CECR2: variants seen among roughly 807,000 people sequenced by gnomAD.
The protein encoded by CECR2 is chromatin remodeling regulator CECR2.
A neutral mutation model predicts 154.5 loss-of-function variants in CECR2; 30 were observed. The observed-to-expected ratio is 0.19, with a 90% CI of 0.15 to 0.26. CECR2 has a LOEUF of 0.26. Ranked by LOEUF, CECR2 falls within the 10% of genes least tolerant of loss-of-function variation. The pLI, the probability that CECR2 is intolerant of heterozygous loss-of-function variation, is 1.00. For synonymous variants in CECR2, 725 were observed against 683.7 expected, an observed-to-expected ratio of 1.06 and a Z score of -0.94; for missense variants, 1,743 against 1,829.3, an observed-to-expected ratio of 0.95 and a Z score of 0.86.
intron 13 of CECR2, among the ~76,000 whole-genome samples, chr22:17,540,140 A>G (rs897736308): frequency 2.0e-5 from 3 of 152,052 alleles, no homozygotes; most frequent in Admixed American, 6.6e-5. Context: ...GCCTGGTTTG[A>G]CTTAATAGTC....
rs1237747274 is a variant in CECR2, at chr22:17,377,214, A to G, written c.126+7305A>G. ...AATTACGTACCAAGTGAAAACTGCAAATCCATACTTGGTGTGTTTGCAAAT... is the reference window on the plus strand; with the variant it reads ...AATTACGTACCAAGTGAAAACTGCAGATCCATACTTGGTGTGTTTGCAAAT... On this transcript the variant is annotated intron_variant, in intron 1 of 18. Transcript: ENST00000262608. Among the ~76,000 whole-genome samples the G allele has an allele frequency of 2.6e-5, 4 of 152,212 alleles. No individual in the cohort carries two copies. The East Asian group carries it at 5.8e-4, about 22-fold the overall frequency.
chr22:17,477,503 T>C (rs1217883461), intron 1 of CECR2, 85 bp from the exon 2 acceptor site: 1 of 898,398 alleles, frequency 1.1e-6, no homozygotes, highest in African/African-American at 1.6e-5. Flanking sequence ...ATTCAGTTCT[T>C]GGGGCTTGTG....
chr22:17,512,055 GAGAA>G (rs985755332), intron 8 of CECR2, among the ~76,000 whole-genome samples, 159 bp downstream of exon 8: 1 of 152,134 alleles, frequency 6.6e-6, no homozygotes, highest in African/African-American at 2.4e-5. Flanking sequence ...TTTCTAGAAA[GAGAA>G]AGAATTAGAA....
chr22:17,530,402 G>C (rs550336949), intron 9 of CECR2, among the ~76,000 whole-genome samples: 1 of 151,872 alleles, frequency 6.6e-6, no homozygotes, highest in East Asian at 1.9e-4. Flanking sequence ...GGCCAGGCGC[G>C]GTGGCTCACG....
intron 1 of CECR2, among the ~76,000 whole-genome samples, chr22:17,361,127 C>A (rs567209874): frequency 2.0e-5 from 3 of 152,298 alleles, no homozygotes; most frequent in South Asian, 2.1e-4. Flanking sequence ...TGTGCCCCTG[C>A]TCTCCAGCCT....
intron 2 of CECR2, among the ~76,000 whole-genome samples, chr22:17,488,765 G>A (rs2055470746): frequency 6.6e-6 from 1 of 152,150 alleles, no homozygotes; most frequent in South Asian, 2.1e-4. Context: ...AAGCTGCTGT[G>A]AACATTTGCA....
At chr22:17,551,992 C>T (rs1668108893) in intron 17 of CECR2, 39 bp from the exon 18 acceptor site, 6 of 1,586,132 alleles carry the variant, frequency 3.8e-6, no homozygotes, top group Admixed American at 3.3e-5. Flanking sequence ...GTTAACACGT[C>T]TTCATTAATT....
intron 1 of CECR2, among the ~76,000 whole-genome samples, chr22:17,433,252 A>G (rs997708239): frequency 1.3e-5 from 2 of 152,200 alleles, no homozygotes; most frequent in African/African-American, 4.8e-5. Context: ...TGTCTCAATA[A>G]TAGTGTGTAG....
chr22:17,385,641 A>G (rs1308039900), intron 1 of CECR2, among the ~76,000 whole-genome samples: 1 of 152,230 alleles, frequency 6.6e-6, no homozygotes, highest in Non-Finnish European at 1.5e-5. Context: ...AAATGTTTGA[A>G]ATATTGTGAG....
chr22:17,488,729 C>CT (rs1170041217), intron 2 of CECR2, among the ~76,000 whole-genome samples: 1 of 152,152 alleles, frequency 6.6e-6, no homozygotes, highest in Non-Finnish European at 1.5e-5. Context: ...ACTTAGGTTG[C>CT]TTCCAGTTGG....
At chr22:17,462,132 C>T (rs1396223852) in intron 1 of CECR2, among the ~76,000 whole-genome samples, 6 of 151,676 alleles carry the variant, frequency 4.0e-5, no homozygotes, top group Admixed American at 1.3e-4. Context: ...TGACCGGGCG[C>T]GGTGGCTCAC....
At chr22:17,460,719 C>T (rs2146730116) in intron 1 of CECR2, among the ~76,000 whole-genome samples, 1 of 152,294 alleles carries the variant, frequency 6.6e-6, no homozygotes. Context: ...CCCCGGTATC[C>T]TTATGTCCCA....
upstream of CECR2, among the ~76,000 whole-genome samples, chr22:17,365,084 C>A (rs1407263042): frequency 6.6e-6 from 1 of 151,854 alleles, no homozygotes; most frequent in Non-Finnish European, 1.5e-5. Context: ...ACTAGCCAGG[C>A]GTGGTGGTGC....
chr22:17,468,319 G>C (rs938942402), intron 1 of CECR2, among the ~76,000 whole-genome samples: 1 of 152,170 alleles, frequency 6.6e-6, no homozygotes, highest in African/African-American at 2.4e-5. Flanking sequence ...TGTGTAATCT[G>C]TGTCTTGCTC....
intron 3 of CECR2, among the ~76,000 whole-genome samples, chr22:17,498,943 T>G (rs760779745): frequency 2.4e-4 from 36 of 152,192 alleles, no homozygotes; most frequent in Admixed American, 1.3e-3. Context: ...GTGTTTCTTA[T>G]GCTGATTGAA....
rs1569142080 is a variant in CECR2, at chr22:17,525,285, C to CAAAAAAAAAAAAAAAAAA, written c.1108+1014_1108+1015insAAAAAAAAAAAAAAAAAA. Among the ~76,000 whole-genome samples the CAAAAAAAAAAAAAAAAAA allele has an allele frequency of 4.6e-4, 15 of 32,324 alleles. 3 individuals are homozygous for CAAAAAAAAAAAAAAAAAA. Among genetic ancestry groups the CAAAAAAAAAAAAAAAAAA allele is most frequent in the African/African-American group, 8.5e-4 (7 of 8,190 alleles). 21.2% of individuals were successfully genotyped at this position (32,324 alleles called of 152,430 possible). On this transcript the variant is annotated intron_variant, in intron 9 of 18. Transcript: ENST00000262608. Reference sequence around the variant, plus strand: ...GGGCAACAAGAGTGAAACTCCATCTCCAAAAAAAAAAAAAAAAAAAAAAAA... The same window carrying CAAAAAAAAAAAAAAAAAA: ...GGGCAACAAGAGTGAAACTCCATCTCAAAAAAAAAAAAAAAAAACAAAAAAAAAAAAAAAAAAAAAAAA...
intron 1 of CECR2, among the ~76,000 whole-genome samples, chr22:17,427,175 G>A (rs1019646943): frequency 1.3e-5 from 2 of 152,014 alleles, no homozygotes; most frequent in Non-Finnish European, 2.9e-5. Flanking sequence ...CCATGTCCCT[G>A]CAAAGGACAT....
chr22:17,361,726 G>C (rs1330907499), intron 1 of CECR2, among the ~76,000 whole-genome samples: 1 of 149,494 alleles, frequency 6.7e-6, no homozygotes, highest in Non-Finnish European at 1.5e-5. Flanking sequence ...CTGGGCAAAA[G>C]AGCAAGACTC....
intron 1 of CECR2, among the ~76,000 whole-genome samples, chr22:17,456,690 G>A (rs1489051595): frequency 6.6e-6 from 1 of 152,110 alleles, no homozygotes; most frequent in Non-Finnish European, 1.5e-5. Flanking sequence ...CTCAAGCACT[G>A]GTTTTATATA....
Sources: allele counts gnomAD v4.1 joint callset (sites outside exome capture counted in the v4.1 genomes callset), GRCh38; gene constraint gnomAD v4.1.1; transcripts MANE v1.5; gene names NCBI Gene and HGNC (gene_info 2026-07-23, HGNC 2026-07-21).